The following ADAM10 variants were observed in gnomAD, a reference collection of about 807,000 sequenced individuals.
ADAM10 encodes the protein disintegrin and metalloproteinase domain-containing protein 10.
A neutral mutation model predicts 90.1 loss-of-function variants in ADAM10; 17 were observed. The ratio of observed to expected loss-of-function variants is 0.19; its 90% CI spans 0.13 to 0.28. The LOEUF (loss-of-function observed/expected upper bound fraction) is 0.28, where lower values mean the gene tolerates loss of function less well. Ranked by LOEUF, ADAM10 falls within the 10% of genes least tolerant of loss-of-function variation. ADAM10 has a pLI of 1.00. For missense variants in ADAM10, 610 were observed against 914.3 expected, an observed-to-expected ratio of 0.67 and a Z score of 4.29; for synonymous variants, 310 against 298.6, an observed-to-expected ratio of 1.04 and a Z score of -0.40.
chr15:58,682,285 G>A lies in ADAM10; in HGVS notation c.236C>T (p.Thr79Ile), dbSNP rs1897463023. Residue 79 changes from threonine to isoleucine, a missense_variant, in exon 3 of 16, where the codon ACT becomes ATT. Thr to Ile is a moderately conservative substitution (Grantham distance 89). Around this residue, in one of 4 missense-constraint regions of ADAM10, gnomAD observed 310 missense variants for 362.4 expected, o/e 0.86. Coordinates refer to ENST00000260408, the MANE Select transcript of ADAM10 (RefSeq NM_001110.4). ...TTTAAATTCATCACTGAAAAGGGAAGTGTCCCTCTTCATTCGTAGGTTGAA... is the reference window on the plus strand; with the variant it reads ...TTTAAATTCATCACTGAAAAGGGAAATGTCCCTCTTCATTCGTAGGTTGAA... Reference protein sequence around the residue: ...RHFNLRMKRDTSLFSDEFKVE... With the variant: ...RHFNLRMKRDISLFSDEFKVE... The A allele has an allele frequency of 2.5e-6, 4 of 1,613,024 alleles. No homozygotes were observed. The highest frequency in any genetic ancestry group is 4.5e-5 in the East Asian group (2 of 44,738).
intron 10 of ADAM10, among the ~76,000 whole-genome samples, chr15:58,624,355 T>C (rs1895876215): frequency 6.6e-6 from 1 of 152,162 alleles, no homozygotes; most frequent in Non-Finnish European, 1.5e-5. Context: ...AGGTGAATAA[T>C]GATTTTTACA....
At chr15:58,613,030 A>G (rs1410834294) in intron 11 of ADAM10, among the ~76,000 whole-genome samples, 1 of 152,218 alleles carries the variant, frequency 6.6e-6, no homozygotes, top group Non-Finnish European at 1.5e-5. Flanking sequence ...CCTGACACCA[A>G]GAGGGATCCC....
At chr15:58,690,695 G>A (rs868278319) in intron 2 of ADAM10, among the ~76,000 whole-genome samples, 1 of 151,878 alleles carries the variant, frequency 6.6e-6, no homozygotes, top group East Asian at 1.9e-4. Context: ...GGAGCCATGG[G>A]GACACTATGC....
intron 2 of ADAM10, among the ~76,000 whole-genome samples, chr15:58,704,969 A>C (rs949971345): frequency 6.6e-6 from 1 of 152,232 alleles, no homozygotes; most frequent in Non-Finnish European, 1.5e-5. Context: ...TAGTAGTCTT[A>C]AAGTAACATC....
At chr15:58,681,470 T>C (rs992504144) in intron 3 of ADAM10, among the ~76,000 whole-genome samples, 1 of 152,228 alleles carries the variant, frequency 6.6e-6, no homozygotes, top group Non-Finnish European at 1.5e-5. Context: ...ATCACTCGTG[T>C]AGAAATAATC....
At chr15:58,650,134 T>G (rs1236820217) in intron 5 of ADAM10, among the ~76,000 whole-genome samples, 1 of 152,210 alleles carries the variant, frequency 6.6e-6, no homozygotes, top group Non-Finnish European at 1.5e-5. Context: ...CTTTATGACT[T>G]GAATATATTA....
intron 14 of ADAM10, chr15:58,609,385 T>A (rs895318077): frequency 3.3e-5 from 5 of 152,120 alleles, no homozygotes; most frequent in Non-Finnish European, 7.4e-5. Flanking sequence ...ACGGTAAACA[T>A]CATTTTAAAT....
chr15:58,647,985 A>T (rs1482549188), intron 5 of ADAM10, among the ~76,000 whole-genome samples: 1 of 152,298 alleles, frequency 6.6e-6, no homozygotes, highest in African/African-American at 2.4e-5. Context: ...TTTAAGTCAC[A>T]ATTTCTTCTT....
intron 9 of ADAM10, among the ~76,000 whole-genome samples, chr15:58,631,413 AAAC>A (rs1304286774): frequency 1.3e-5 from 2 of 152,192 alleles, no homozygotes; most frequent in Non-Finnish European, 2.9e-5. Flanking sequence ...AATTGAATAA[AAAC>A]ATCTCACTGG....
intron 8 of ADAM10, among the ~76,000 whole-genome samples, chr15:58,635,054 T>C (rs534758803): frequency 3.4e-4 from 51 of 151,446 alleles, no homozygotes; most frequent in African/African-American, 1.1e-3. Context: ...AAAAATGTGT[T>C]TCAAAGAAAC....
chr15:58,703,388 T>A (rs1179517180), intron 2 of ADAM10, among the ~76,000 whole-genome samples: 3 of 150,172 alleles, frequency 2.0e-5, no homozygotes, highest in Non-Finnish European at 4.4e-5. Flanking sequence ...GGAACTCAGA[T>A]AGTTGCACAT....
chr15:58,686,828 A>C (rs1172915110), intron 2 of ADAM10, among the ~76,000 whole-genome samples: 1 of 152,216 alleles, frequency 6.6e-6, no homozygotes, highest in African/African-American at 2.4e-5. Context: ...AAATAGTAAT[A>C]GCTTGTTTTT....
chr15:58,645,838 T>C (rs1018302149), intron 6 of ADAM10, among the ~76,000 whole-genome samples: 17 of 149,700 alleles, frequency 1.1e-4, no homozygotes, highest in Admixed American at 1.0e-3. Flanking sequence ...ATCATCTCCT[T>C]CAGGAAATCA....
chr15:58,600,227 C>T (rs142310903), intron 14 of ADAM10, among the ~76,000 whole-genome samples: 2 of 152,288 alleles, frequency 1.3e-5, no homozygotes, highest in Non-Finnish European at 2.9e-5. Context: ...TTATGAACTA[C>T]AAAAGGATCT....
At chr15:58,630,941 A>C (rs2140671234) in intron 9 of ADAM10, among the ~76,000 whole-genome samples, 1 of 152,274 alleles carries the variant, frequency 6.6e-6, no homozygotes, top group East Asian at 1.9e-4. Context: ...ATCCCTCATC[A>C]ATAGATTAAT....
intron 1 of ADAM10, among the ~76,000 whole-genome samples, chr15:58,718,485 T>C (rs1274291925): frequency 6.6e-6 from 1 of 151,910 alleles, no homozygotes; most frequent in South Asian, 2.1e-4. Context: ...AAAAAAAATG[T>C]GTTGAGAAGT....
intron 2 of ADAM10, among the ~76,000 whole-genome samples, chr15:58,710,615 A>T (rs917072319): frequency 6.6e-6 from 1 of 152,218 alleles, no homozygotes; most frequent in Non-Finnish European, 1.5e-5. Flanking sequence ...TAACTAACGT[A>T]TGTTGCACTA....
chr15:58,692,543 C>A, intron 2 of ADAM10: 1 of 533,380 alleles, frequency 1.9e-6, no homozygotes, highest in South Asian at 1.4e-5. Context: ...TTCTCTGGTT[C>A]CTTCTCCAAA....
At chr15:58,729,414 T>C (rs1595662976) in intron 1 of ADAM10, among the ~76,000 whole-genome samples, 1 of 152,174 alleles carries the variant, frequency 6.6e-6, no homozygotes. Context: ...ACAGCATAGG[T>C]ATCTCCGGGG....
Sources: gnomAD v4.1 joint callset for allele counts (sites outside exome capture counted in the v4.1 genomes callset) on GRCh38, gnomAD v4.1.1 for gene constraint, gnomAD v4.1.1 regional missense constraint, MANE v1.5 for transcripts, NCBI Gene and HGNC (gene_info 2026-07-23, HGNC 2026-07-21) for gene names.